TAFA1: variants seen among roughly 807,000 people sequenced by gnomAD.
The protein encoded by TAFA1 is chemokine-like protein TAFA-1.
In TAFA1, 4 loss-of-function variants were observed where a neutral mutation model predicts 18.5. The observed-to-expected ratio is 0.22, with a 90% CI of 0.11 to 0.49. TAFA1 has a LOEUF of 0.49. Among genes scored for constraint, TAFA1 ranks in the 20% least tolerant of loss-of-function variants. The pLI is 0.98. For synonymous variants in TAFA1, 56 were observed against 55.2 expected (o/e 1.01, Z -0.06); for missense variants, 147 against 169.0 (o/e 0.87, Z 0.72).
intron 2 of TAFA1, among the ~76,000 whole-genome samples, chr3:68,097,563 G>C (rs183959092): frequency 6.6e-6 from 1 of 152,034 alleles, no homozygotes. Context: ...AATCCATGTC[G>C]ATTTAATGAT....
chr3:68,414,744 G>C (rs990147504), intron 2 of TAFA1, among the ~76,000 whole-genome samples: 19 of 152,288 alleles, frequency 1.2e-4, no homozygotes, highest in African/African-American at 4.3e-4. Flanking sequence ...CTTGTTGTCA[G>C]TATTATTTAA....
intron 1 of TAFA1, among the ~76,000 whole-genome samples, chr3:68,005,849 T>C (rs929952918): frequency 2.6e-5 from 4 of 152,200 alleles, no homozygotes; most frequent in African/African-American, 9.7e-5. Flanking sequence ...AAGATCCTCA[T>C]AGGTGCAGAT....
At chr3:68,339,040 G>A (rs1046891754) in intron 2 of TAFA1, among the ~76,000 whole-genome samples, 1 of 152,208 alleles carries the variant, frequency 6.6e-6, no homozygotes, top group South Asian at 2.1e-4. Context: ...ACTAGAACAG[G>A]CATACTGTCA....
chr3:68,344,244 A>G (rs1452724093), intron 2 of TAFA1, among the ~76,000 whole-genome samples: 1 of 152,240 alleles, frequency 6.6e-6, no homozygotes, highest in Non-Finnish European at 1.5e-5. Context: ...ATCAGAACAT[A>G]AACATCTGTT....
In TAFA1 at chr3:68,027,017, G is replaced by C. The variant is rs565867704; in HGVS notation, c.118+20273G>C. Among the ~76,000 whole-genome samples the C allele has an allele frequency of 9.2e-5, 14 of 152,026 alleles. No homozygotes were observed. The East Asian group carries it at 2.5e-3, about 27-fold the overall frequency. On this transcript the variant is annotated intron_variant, in intron 2 of 4. Coordinates refer to ENST00000478136, the MANE Select transcript of TAFA1 (RefSeq NM_213609.4). ...GCTGGAGTAGGAGGAAGAGAGAGAG[G>C]GGGGAGGTGGCACACACTTTTAAAG...
intron 2 of TAFA1, among the ~76,000 whole-genome samples, chr3:68,296,075 A>G (rs1254892531): frequency 6.6e-6 from 1 of 152,226 alleles, no homozygotes; most frequent in Non-Finnish European, 1.5e-5. Context: ...ATTATTATAC[A>G]TGAGAATTAA....
intron 3 of TAFA1, among the ~76,000 whole-genome samples, chr3:68,532,842 G>GA (rs1021678356): frequency 1.7e-4 from 25 of 150,252 alleles, no homozygotes; most frequent in African/African-American, 5.6e-4. Context: ...ATGAGTTTAT[G>GA]AAAAAATTAT....
chr3:68,058,217 C>T (rs2064559382), intron 2 of TAFA1, among the ~76,000 whole-genome samples: 1 of 152,212 alleles, frequency 6.6e-6, no homozygotes, highest in African/African-American at 2.4e-5. Context: ...GAAAGTTATG[C>T]AACAACTTTA....
At chr3:68,141,430 A>G (rs1258908799) in intron 2 of TAFA1, among the ~76,000 whole-genome samples, 1 of 152,148 alleles carries the variant, frequency 6.6e-6, no homozygotes, top group Non-Finnish European at 1.5e-5. Flanking sequence ...TAAGAGAGAG[A>G]ACTCAGGTCG....
In TAFA1 at chr3:68,544,661, T is replaced by C; in HGVS notation, c.*158T>C. On this transcript the variant is annotated 3_prime_UTR_variant, in exon 5 of 5. Transcript: ENST00000478136. ...TGCGTTTACTGTGTGTAACGAAATA[T>C]CCTACAGTGAGAAGACACAGCGTTT... is the stretch of plus-strand genomic sequence containing the variant. The C allele has an allele frequency of 1.5e-6, 1 of 679,384 alleles. No homozygotes were observed. The highest frequency in any genetic ancestry group is 2.5e-6 in the Non-Finnish European group (1 of 404,838). The allele number at this position is 679,384 out of a possible 1,614,324, so 42.1% of individuals were successfully genotyped here.
chr3:68,123,878 CAAAAAAAAAAAAAAAAAAAAAAAAAAAA>C lies in TAFA1; in HGVS notation c.118+117148_118+117175del, dbSNP rs758966848. Among the ~76,000 whole-genome samples the C allele has an allele frequency of 7.8e-3, 565 of 72,156 alleles. 11 individuals are homozygous for C. The highest frequency in any genetic ancestry group is 0.035 in the African/African-American group (549 of 15,656). The allele number at this position is 72,156 out of a possible 152,430, so 47.3% of individuals were successfully genotyped here. On this transcript the variant is annotated intron_variant, in intron 2 of 4. Coordinates refer to ENST00000478136, the MANE Select transcript of TAFA1 (RefSeq NM_213609.4). The stretch of plus-strand genomic sequence containing the variant: ...TGACAAAGAACAACACTTTTTTTTC[CAAAAAAAAAAAAAAAAAAAAAAAAAAAA>C]AAAAAAAAAAAAAGCTTTCTTTTGA...
At chr3:68,165,454 A>C (rs913584588) in intron 2 of TAFA1, among the ~76,000 whole-genome samples, 1 of 152,232 alleles carries the variant, frequency 6.6e-6, no homozygotes, top group Non-Finnish European at 1.5e-5. Context: ...TTTGAATATG[A>C]AGTATATAGA....
chr3:68,542,750 T>C (rs1398174507), intron 4 of TAFA1, among the ~76,000 whole-genome samples: 1 of 152,088 alleles, frequency 6.6e-6, no homozygotes, highest in Non-Finnish European at 1.5e-5. Flanking sequence ...GTGTGGGTAG[T>C]TAAGAGACAA....
At chr3:68,322,572 CTG>C (rs2068711968) in intron 2 of TAFA1, among the ~76,000 whole-genome samples, 1 of 152,160 alleles carries the variant, frequency 6.6e-6, no homozygotes. Context: ...TGGCTCATAT[CTG>C]TAATTCCAGC....
At chr3:68,026,464 T>C (rs1187203925) in intron 2 of TAFA1, among the ~76,000 whole-genome samples, 1 of 152,130 alleles carries the variant, frequency 6.6e-6, no homozygotes, top group Non-Finnish European at 1.5e-5. Flanking sequence ...AATGTCCTTT[T>C]CTTCTGATGT....
At chr3:68,276,041 A>G (rs1213026525) in intron 2 of TAFA1, among the ~76,000 whole-genome samples, 5 of 152,124 alleles carry the variant, frequency 3.3e-5, no homozygotes, top group Admixed American at 6.6e-5. Flanking sequence ...TTGAATGAAA[A>G]CATCTCTACA....
intron 2 of TAFA1, among the ~76,000 whole-genome samples, chr3:68,271,315 G>A (rs190856624): frequency 6.6e-6 from 1 of 151,976 alleles, no homozygotes; most frequent in East Asian, 1.9e-4. Flanking sequence ...GAAGCCCTAG[G>A]ATCACATTTC....
chr3:68,057,434 C>T (rs936159529), intron 2 of TAFA1, among the ~76,000 whole-genome samples: 1 of 152,190 alleles, frequency 6.6e-6, no homozygotes, highest in Admixed American at 6.5e-5. Context: ...AATTCCAATG[C>T]TTCATTTAAA....
At chr3:68,346,117 C>T (rs993420716) in intron 2 of TAFA1, among the ~76,000 whole-genome samples, 2 of 152,072 alleles carry the variant, frequency 1.3e-5, no homozygotes, top group African/African-American at 2.4e-5. Flanking sequence ...GGATGGGCAG[C>T]CTACTCAGAT....
Sources: gnomAD v4.1 joint callset for allele counts (sites outside exome capture counted in the v4.1 genomes callset) on GRCh38, gnomAD v4.1.1 for gene constraint, MANE v1.5 for transcripts, NCBI Gene and HGNC (gene_info 2026-07-23, HGNC 2026-07-21) for gene names.